Variants in GRM7 observed in about 807,000 individuals in gnomAD.
The protein encoded by GRM7 is glutamate metabotropic receptor 7, also known as metabotropic glutamate receptor 7.
GRM7 carries 35 observed loss-of-function variants against 84.5 expected under a neutral mutation model. That is an observed-to-expected ratio of 0.41 (90% confidence interval 0.32 to 0.55). The LOEUF is 0.55. Among genes scored for constraint, GRM7 ranks in the 20% least tolerant of loss-of-function variants. GRM7 has a pLI of 0.19. For synonymous variants in GRM7, 487 were observed against 455.1 expected, an observed-to-expected ratio of 1.07 and a Z score of -0.89; for missense variants, 1,003 against 1,194.6, an observed-to-expected ratio of 0.84 and a Z score of 2.36.
At chr3:7,192,829 A>C (rs1449375452) in intron 2 of GRM7, among the ~76,000 whole-genome samples, 1 of 152,060 alleles carries the variant, frequency 6.6e-6, no homozygotes, top group Non-Finnish European at 1.5e-5. Flanking sequence ...TTCACTTTTC[A>C]ATCCAATGTA....
At chr3:7,013,191 A>G (rs1475512330) in intron 1 of GRM7, among the ~76,000 whole-genome samples, 1 of 152,140 alleles carries the variant, frequency 6.6e-6, no homozygotes, top group Non-Finnish European at 1.5e-5. Flanking sequence ...TGTCCTTATA[A>G]AGGCCCCTGT....
chr3:7,680,761 C>T (rs1335442382), intron 9 of GRM7: 2 of 168,402 alleles, frequency 1.2e-5, no homozygotes, highest in Non-Finnish European at 2.6e-5. Flanking sequence ...ATCAGGTCTT[C>T]TAGAAACATA....
At chr3:7,035,248 G>A (rs1192823232) in intron 1 of GRM7, among the ~76,000 whole-genome samples, 1 of 152,146 alleles carries the variant, frequency 6.6e-6, no homozygotes, top group Admixed American at 6.5e-5. Flanking sequence ...TGAAATGGCT[G>A]TGGCAAAAAT....
chr3:7,197,862 A>G (rs1559497568), intron 2 of GRM7, among the ~76,000 whole-genome samples: 1 of 152,276 alleles, frequency 6.6e-6, no homozygotes, highest in East Asian at 1.9e-4. Context: ...AAAACAAAAC[A>G]TAGTACCTTG....
chr3:7,516,902 C>G (rs1391219701), intron 7 of GRM7, among the ~76,000 whole-genome samples: 3 of 152,172 alleles, frequency 2.0e-5, no homozygotes, highest in Non-Finnish European at 4.4e-5. Context: ...AGGAATCTAA[C>G]TGGTGGTATT....
At chr3:7,118,972 T>C (rs1454280317) in intron 1 of GRM7, among the ~76,000 whole-genome samples, 2 of 152,164 alleles carry the variant, frequency 1.3e-5, no homozygotes, top group African/African-American at 4.8e-5. Context: ...TAATAATTAA[T>C]CTCTATTTTC....
chr3:7,472,741 C>G (rs1169522874), intron 7 of GRM7, among the ~76,000 whole-genome samples: 2 of 152,324 alleles, frequency 1.3e-5, no homozygotes, highest in Non-Finnish European at 2.9e-5. Context: ...TCACTCATCT[C>G]TCTTCCTGAT....
chr3:7,586,310 C>A (rs1695514225), intron 8 of GRM7, among the ~76,000 whole-genome samples: 1 of 152,026 alleles, frequency 6.6e-6, no homozygotes, highest in Non-Finnish European at 1.5e-5. Flanking sequence ...GCATACTGCT[C>A]CAGCCATTCC....
At position 7,610,037 on chromosome 3, in the gene GRM7, A is replaced by G. The variant is rs112173308; in HGVS notation, c.2451+30680A>G. Among the ~76,000 whole-genome samples, 508 of 150,030 alleles carry G rather than the reference A, an allele frequency of 3.4e-3. 3 individuals carry two copies. The highest frequency in any genetic ancestry group is 0.012 in the African/African-American group (475 of 39,442). ...GAGTGCCTTCCTATGCTGGATGTTTACATTTTAACTTTCTTATTTTCCATT... is the reference window on the plus strand; with the variant it reads ...GAGTGCCTTCCTATGCTGGATGTTTGCATTTTAACTTTCTTATTTTCCATT... On this transcript the variant is annotated intron_variant, in intron 8 of 9. Coordinates refer to ENST00000357716, the MANE Select transcript of GRM7 (RefSeq NM_000844.4).
At chr3:7,024,156 T>G (rs566896225) in intron 1 of GRM7, among the ~76,000 whole-genome samples, 2 of 152,312 alleles carry the variant, frequency 1.3e-5, no homozygotes, top group African/African-American at 4.8e-5. Flanking sequence ...CAGCAGTGGT[T>G]TCTCTTCAAA....
In GRM7 at chr3:7,740,323, T is replaced by TACTGCA. The variant is rs755693459; in HGVS notation, c.2699-29_2699-24dup. On this transcript the variant is annotated intron_variant, in intron 9 of 9. Coordinates refer to ENST00000357716, the MANE Select transcript of GRM7 (RefSeq NM_000844.4). Reference sequence around the variant, plus strand: ...TTTCTACCTTTGCAAACAGGGTTATTACTGCAACTGACACTTTCTAATTTT... The same window carrying TACTGCA: ...TTTCTACCTTTGCAAACAGGGTTATTACTGCAACTGCAACTGACACTTTCTAATTTT... The TACTGCA allele has an allele frequency of 5.6e-6, 8 of 1,422,312 alleles. No individual in the cohort carries two copies. In the African/African-American group the frequency reaches 1.1e-4, roughly 20 times the overall value. 88.1% of individuals were successfully genotyped at this position (1,422,312 alleles called of 1,614,324 possible). A position where few individuals can be genotyped will look rare whatever the true frequency, so the allele number is the denominator to read the frequency against.
chr3:7,045,982 T>C (rs1388865710), intron 1 of GRM7, among the ~76,000 whole-genome samples: 6 of 152,116 alleles, frequency 3.9e-5, no homozygotes, highest in African/African-American at 7.2e-5. Flanking sequence ...ACTGTACCAA[T>C]TTGCATTTTT....
In GRM7 at chr3:7,099,506, A is replaced by G. The variant is rs184034556; in HGVS notation, c.520-46946A>G. Among the ~76,000 whole-genome samples, 304 of 145,770 alleles carry G rather than the reference A, an allele frequency of 2.1e-3. 3 individuals carry two copies. The highest frequency in any genetic ancestry group is 6.7e-3 in the South Asian group (31 of 4,644). On this transcript the variant is annotated intron_variant, in intron 1 of 9. Transcript: ENST00000357716. ...GTATATGTACACGCATTATACATGTACACATATATGTATATGTACACGCAT... is the reference window on the plus strand; with the variant it reads ...GTATATGTACACGCATTATACATGTGCACATATATGTATATGTACACGCAT...
chr3:7,335,483 G>A (rs1028471387), intron 4 of GRM7, among the ~76,000 whole-genome samples: 16 of 151,796 alleles, frequency 1.1e-4, no homozygotes, highest in African/African-American at 3.9e-4. Context: ...GACAATTTAA[G>A]CTCATACCTC....
intron 2 of GRM7, among the ~76,000 whole-genome samples, chr3:7,268,210 G>C (rs1185421017): frequency 6.6e-6 from 1 of 152,088 alleles, no homozygotes; most frequent in Non-Finnish European, 1.5e-5. Context: ...AGAATCCAAA[G>C]GGGAGACACA....
chr3:7,262,706 T>G (rs1015694626), intron 2 of GRM7, among the ~76,000 whole-genome samples: 12 of 142,128 alleles, frequency 8.4e-5, no homozygotes, highest in Admixed American at 2.9e-4. Flanking sequence ...TTGGTTGGTT[T>G]GTTTGTTTGA....
chr3:7,273,373 G>C (rs1362322574), intron 2 of GRM7, among the ~76,000 whole-genome samples: 1 of 152,060 alleles, frequency 6.6e-6, no homozygotes, highest in Non-Finnish European at 1.5e-5. Context: ...CTATGTAGTT[G>C]ACTGTTGGCA....
At chr3:6,957,339 T>C (rs544066146) in intron 1 of GRM7, among the ~76,000 whole-genome samples, 5 of 152,300 alleles carry the variant, frequency 3.3e-5, no homozygotes, top group Non-Finnish European at 4.4e-5. Context: ...TCTCAGAGCA[T>C]AGCTCAATGG....
intron 9 of GRM7, among the ~76,000 whole-genome samples, chr3:7,727,263 A>G (rs77639016): frequency 0.014 from 2,172 of 152,276 alleles, 67 homozygotes; most frequent in South Asian, 0.094. Flanking sequence ...AAAATTGCAA[A>G]TTATATTGTA....
Sources: gnomAD v4.1 joint callset for allele counts (sites outside exome capture counted in the v4.1 genomes callset) on GRCh38, gnomAD v4.1.1 for gene constraint, MANE v1.5 for transcripts, NCBI Gene and HGNC (gene_info 2026-07-23, HGNC 2026-07-21) for gene names.